Variants in TSHZ3 observed in about 807,000 individuals in gnomAD.
TSHZ3 encodes the protein teashirt homolog 3.
A neutral mutation model predicts 64.5 loss-of-function variants in TSHZ3; 10 were observed. The ratio of observed to expected loss-of-function variants is 0.16; its 90% CI spans 0.10 to 0.26. The LOEUF (loss-of-function observed/expected upper bound fraction) is 0.26. Ranked by LOEUF, TSHZ3 falls within the 10% of genes least tolerant of loss-of-function variation. The pLI, the probability that TSHZ3 is intolerant of heterozygous loss-of-function variation, is 1.00. For synonymous variants in TSHZ3, 608 were observed against 593.1 expected, an observed-to-expected ratio of 1.03 and a Z score of -0.36; for missense variants, 1,242 against 1,421.7, an observed-to-expected ratio of 0.87 and a Z score of 2.03.
At chr19:31,232,624 A>G (rs1175964612) in intron 3 of TSHZ3, among the ~76,000 whole-genome samples, 1 of 152,248 alleles carries the variant, frequency 6.6e-6, no homozygotes, top group African/African-American at 2.4e-5. Flanking sequence ...AACAAAGTAC[A>G]CACTCATGCA....
intron 1 of TSHZ3, among the ~76,000 whole-genome samples, chr19:31,265,997 A>G (rs1568363282): frequency 6.6e-6 from 1 of 152,168 alleles, no homozygotes; most frequent in Non-Finnish European, 1.5e-5. Context: ...TCCTGCTGAC[A>G]GCATCTTGAC....
chr19:31,157,322 G>T (rs749116464), intron 5 of TSHZ3, among the ~76,000 whole-genome samples: 1 of 152,188 alleles, frequency 6.6e-6, no homozygotes. Flanking sequence ...TCAGCAAACT[G>T]TGGCCAGCAA....
intron 4 of TSHZ3, among the ~76,000 whole-genome samples, chr19:31,222,219 C>T (rs1190684453): frequency 3.9e-5 from 6 of 152,140 alleles, no homozygotes; most frequent in South Asian, 2.1e-4. Flanking sequence ...TACTAATGAA[C>T]GTCACAGAAG....
intron 3 of TSHZ3, among the ~76,000 whole-genome samples, chr19:31,230,575 A>G (rs1477008873): frequency 6.6e-6 from 1 of 151,910 alleles, no homozygotes; most frequent in Non-Finnish European, 1.5e-5. Flanking sequence ...AAACTGGGGA[A>G]TTGCTGGGGA....
chr19:31,280,989 C>T (rs1976351907), intron 1 of TSHZ3, among the ~76,000 whole-genome samples: 1 of 152,170 alleles, frequency 6.6e-6, no homozygotes, highest in Non-Finnish European at 1.5e-5. Flanking sequence ...TGGCTAGGAA[C>T]AATTTCAAGG....
Position 31,289,181 on chromosome 19 carries a change from C to T in TSHZ3, c.41-9429G>A, listed in dbSNP as rs75724870. On this transcript the variant is annotated intron_variant, in intron 1 of 1. Coordinates refer to ENST00000240587, the MANE Select transcript of TSHZ3 (RefSeq NM_020856.4). ...CTCCACACAGAAGGCCTCCTGCTGT[C>T]GGGAATCTGGGAGGCACGGCCAGGG... 3.8e-3 allele frequency among the ~76,000 whole-genome samples: 576 copies of T among 152,308 alleles called. 2 individuals carry two copies. Among genetic ancestry groups the T allele is most frequent in the African/African-American group, 0.013 (551 of 41,576 alleles).
intron 1 of TSHZ3, among the ~76,000 whole-genome samples, chr19:31,250,285 A>G (rs534714651): frequency 1.3e-5 from 2 of 152,220 alleles, no homozygotes; most frequent in Non-Finnish European, 2.9e-5. Context: ...ATTTTCCCTG[A>G]CAGCCAACAG....
At chr19:31,156,533 AG>A (rs2145098386) in intron 5 of TSHZ3, among the ~76,000 whole-genome samples, 1 of 152,300 alleles carries the variant, frequency 6.6e-6, no homozygotes, top group African/African-American at 2.4e-5. Context: ...AAAGTGAAGA[AG>A]CTTTGACTTC....
chr19:31,346,207 G>C (rs1917588735), intron 1 of TSHZ3, among the ~76,000 whole-genome samples: 1 of 152,166 alleles, frequency 6.6e-6, no homozygotes, highest in Non-Finnish European at 1.5e-5. Context: ...TGCCACGTCT[G>C]CTCGCCCTAC....
At chr19:31,210,334 A>G (rs1975246980) in intron 4 of TSHZ3, among the ~76,000 whole-genome samples, 1 of 152,166 alleles carries the variant, frequency 6.6e-6, no homozygotes, top group Non-Finnish European at 1.5e-5. Flanking sequence ...CTTGAAACCA[A>G]GAAGTTTCCT....
At chr19:31,216,794 C>T (rs1271884324) in intron 4 of TSHZ3, among the ~76,000 whole-genome samples, 7 of 152,018 alleles carry the variant, frequency 4.6e-5, no homozygotes, top group African/African-American at 1.4e-4. Context: ...GCCACCACGC[C>T]TGGCCAATTT....
intron 1 of TSHZ3, among the ~76,000 whole-genome samples, chr19:31,344,410 G>C (rs1317889988): frequency 6.6e-6 from 1 of 152,234 alleles, no homozygotes; most frequent in African/African-American, 2.4e-5. Flanking sequence ...ATTGTTTTAC[G>C]ACATGACCAA....
chr19:31,173,822 C>G (rs577727924), intron 5 of TSHZ3, among the ~76,000 whole-genome samples: 43 of 152,310 alleles, frequency 2.8e-4, no homozygotes, highest in African/African-American at 9.6e-4. Context: ...GTAATCCCAG[C>G]ATTTTGGGAG....
intron 1 of TSHZ3, among the ~76,000 whole-genome samples, chr19:31,335,758 C>T (rs1910421921): frequency 6.6e-6 from 1 of 152,220 alleles, no homozygotes; most frequent in Non-Finnish European, 1.5e-5. Context: ...CTGGCAGGTG[C>T]TTTTGCTTAT....
downstream of TSHZ3, among the ~76,000 whole-genome samples, chr19:31,270,504 T>C (rs1391651362): frequency 1.3e-5 from 2 of 152,216 alleles, no homozygotes; most frequent in African/African-American, 2.4e-5. Context: ...AGAGACAGGG[T>C]CTCACTATGT....
chr19:31,164,422 C>T (rs570543103), intron 5 of TSHZ3, among the ~76,000 whole-genome samples: 5 of 152,256 alleles, frequency 3.3e-5, no homozygotes, highest in South Asian at 2.1e-4. Context: ...TCTTTATAAA[C>T]GTGAAATGTT....
At chr19:31,194,781 A>G (rs1334340563) in intron 5 of TSHZ3, among the ~76,000 whole-genome samples, 5 of 152,226 alleles carry the variant, frequency 3.3e-5, no homozygotes, top group Non-Finnish European at 7.3e-5. Context: ...GAATGATCAG[A>G]TCAGGAATTG....
intron 4 of TSHZ3, among the ~76,000 whole-genome samples, chr19:31,210,379 G>C (rs1368688642): frequency 6.6e-6 from 1 of 152,156 alleles, no homozygotes; most frequent in Non-Finnish European, 1.5e-5. Context: ...ATCACTCAGA[G>C]ATCAGGGCTG....
chr19:31,280,924 C>T (rs544766988), intron 1 of TSHZ3, among the ~76,000 whole-genome samples: 1 of 152,270 alleles, frequency 6.6e-6, no homozygotes, highest in African/African-American at 2.4e-5. Context: ...AACTGATCTG[C>T]CACTGCATAC....
Sources: gnomAD v4.1 joint callset for allele counts (sites outside exome capture counted in the v4.1 genomes callset) on GRCh38, gnomAD v4.1.1 for gene constraint, MANE v1.5 for transcripts, NCBI Gene and HGNC (gene_info 2026-07-23, HGNC 2026-07-21) for gene names.